The following NPFFR2 variants were observed in gnomAD, a reference collection of about 807,000 sequenced individuals.
NPFFR2 encodes neuropeptide FF receptor 2.
A neutral mutation model predicts 13.1 loss-of-function variants in NPFFR2; 15 were observed. The observed-to-expected ratio is 1.15, with a 90% CI of 0.77 to 1.76. The LOEUF (loss-of-function observed/expected upper bound fraction) is 1.76, where lower values mean the gene tolerates loss of function less well. Among genes scored for constraint, NPFFR2 ranks in the 40% most tolerant of loss-of-function variants. The pLI is 0.00. For missense variants in NPFFR2, 572 were observed against 503.5 expected (o/e 1.14, Z -1.30); for synonymous variants, 190 against 175.7 (o/e 1.08, Z -0.65).
intron 1 of NPFFR2, among the ~76,000 whole-genome samples, chr4:72,045,442 A>AT (rs547613002): frequency 6.6e-6 from 1 of 152,114 alleles, no homozygotes; most frequent in Non-Finnish European, 1.5e-5. Context: ...CTTATAATAT[A>AT]TTTTTTAATC....
chr4:72,090,126 T>C (rs962734183), intron 1 of NPFFR2, among the ~76,000 whole-genome samples: 1 of 152,132 alleles, frequency 6.6e-6, no homozygotes, highest in African/African-American at 2.4e-5. Context: ...CGAAGACCAG[T>C]TGGCTTTAAG....
intron 1 of NPFFR2, among the ~76,000 whole-genome samples, chr4:72,126,654 G>A (rs1283624176): frequency 2.6e-5 from 4 of 152,158 alleles, no homozygotes; most frequent in African/African-American, 9.7e-5. Flanking sequence ...TTCTATCTGG[G>A]AGTCTGGAAT....
chr4:72,126,167 C>G (rs553701587), intron 1 of NPFFR2, among the ~76,000 whole-genome samples: 2 of 152,278 alleles, frequency 1.3e-5, no homozygotes, highest in Admixed American at 1.3e-4. Context: ...TTATCCAAAA[C>G]GTTATCTTGG....
chr4:72,055,235 T>TG (rs545578083), intron 1 of NPFFR2, among the ~76,000 whole-genome samples: 156 of 152,110 alleles, frequency 1.0e-3, no homozygotes, highest in African/African-American at 3.7e-3. Flanking sequence ...ATCAGTGCCA[T>TG]GTTCCCATGT....
chr4:72,108,507 A>T (rs1344221536), intron 1 of NPFFR2, among the ~76,000 whole-genome samples: 3 of 151,990 alleles, frequency 2.0e-5, no homozygotes, highest in Non-Finnish European at 4.4e-5. Context: ...ACATTTCTCT[A>T]GTTATTATTA....
chr4:72,073,664 A>G (rs532339252), intron 1 of NPFFR2, among the ~76,000 whole-genome samples: 2 of 152,180 alleles, frequency 1.3e-5, no homozygotes, highest in East Asian at 1.9e-4. Flanking sequence ...AGAGATGAAT[A>G]TATTAAAATT....
intron 1 of NPFFR2, among the ~76,000 whole-genome samples, chr4:72,049,009 A>G (rs929159583): frequency 1.3e-5 from 2 of 152,080 alleles, no homozygotes; most frequent in Non-Finnish European, 2.9e-5. Context: ...GAAGTCAATA[A>G]CAATGAATCT....
At chr4:72,059,020 T>A (rs931982482) in intron 1 of NPFFR2, among the ~76,000 whole-genome samples, 14 of 152,080 alleles carry the variant, frequency 9.2e-5, no homozygotes, top group African/African-American at 3.4e-4. Flanking sequence ...GAACTCTCTT[T>A]CCCTTTGGAG....
At chr4:72,093,044 C>T (rs1405358730) in intron 1 of NPFFR2, among the ~76,000 whole-genome samples, 1 of 152,120 alleles carries the variant, frequency 6.6e-6, no homozygotes, top group African/African-American at 2.4e-5. Flanking sequence ...TAAATTCTCT[C>T]AGCATTGTTT....
intron 1 of NPFFR2, among the ~76,000 whole-genome samples, chr4:72,127,015 CAT>C (rs1722064797): frequency 6.6e-6 from 1 of 152,024 alleles, no homozygotes; most frequent in African/African-American, 2.4e-5. Context: ...TACATTAAGA[CAT>C]ATAGGCCGGG....
At chr4:72,059,008 T>C (rs1397386562) in intron 1 of NPFFR2, among the ~76,000 whole-genome samples, 1 of 152,086 alleles carries the variant, frequency 6.6e-6, no homozygotes, top group African/African-American at 2.4e-5. Flanking sequence ...TACAAATTAA[T>C]GGAACTCTCT....
rs115828342 is a variant in NPFFR2 at position 72,124,585 on chromosome 4, C to T, written c.-7-4000C>T. ...CCAGTACCAAAACAGATATATAGAC[C>T]GTGGAACAGAATAGAGGCCTCAGAA... On this transcript the variant is annotated intron_variant, in intron 1 of 3. Transcript: ENST00000308744. 2.9e-3 allele frequency among the ~76,000 whole-genome samples: 448 copies of T among 152,066 alleles called. 2 individuals are homozygous for T. The highest frequency in any genetic ancestry group is 0.011 in the African/African-American group (438 of 41,452).
chr4:72,101,556 G>C (rs553700725), intron 1 of NPFFR2, among the ~76,000 whole-genome samples: 48 of 151,810 alleles, frequency 3.2e-4, no homozygotes, highest in African/African-American at 1.1e-3. Flanking sequence ...TAAAATAAAA[G>C]TGATTTAGGA....
chr4:72,074,686 C>T (rs1366603722), intron 1 of NPFFR2, among the ~76,000 whole-genome samples: 2 of 152,076 alleles, frequency 1.3e-5, no homozygotes, highest in African/African-American at 4.8e-5. Context: ...TCAGTAATTA[C>T]TTTTAATGTA....
chr4:72,140,502 A>G (rs1248747321), intron 3 of NPFFR2, among the ~76,000 whole-genome samples: 3 of 152,178 alleles, frequency 2.0e-5, no homozygotes, highest in Non-Finnish European at 4.4e-5. Context: ...CCTTTTCTGC[A>G]TTTATTGAGA....
At chr4:72,039,305 A>C in intron 1 of NPFFR2, 1 of 403,494 alleles carries the variant, frequency 2.5e-6, no homozygotes, top group Non-Finnish European at 3.3e-6. Flanking sequence ...TGATCCACCC[A>C]CCTCGGCCTC....
intron 1 of NPFFR2, among the ~76,000 whole-genome samples, chr4:72,073,448 A>T (rs1173052906): frequency 1.3e-5 from 2 of 152,076 alleles, no homozygotes; most frequent in Non-Finnish European, 2.9e-5. Flanking sequence ...GAAATTAAAG[A>T]ACACTAAATA....
intron 2 of NPFFR2, among the ~76,000 whole-genome samples, chr4:72,132,365 T>C (rs1322296323): frequency 6.6e-6 from 1 of 152,272 alleles, no homozygotes; most frequent in Non-Finnish European, 1.5e-5. Flanking sequence ...TTCCATGGTG[T>C]ATATCTACCA....
chr4:72,049,632 C>T (rs1269906683), intron 1 of NPFFR2, among the ~76,000 whole-genome samples: 1 of 152,000 alleles, frequency 6.6e-6, no homozygotes, highest in Non-Finnish European at 1.5e-5. Context: ...GAGATCACCT[C>T]ACAAAGCTAT....
Sources: gnomAD v4.1 joint callset for allele counts (sites outside exome capture counted in the v4.1 genomes callset) on GRCh38, gnomAD v4.1.1 for gene constraint, MANE v1.5 for transcripts, NCBI Gene and HGNC (gene_info 2026-07-23, HGNC 2026-07-21) for gene names.